ASH2L: variants seen among roughly 807,000 people sequenced by gnomAD.
ASH2L encodes ASH2 like, histone lysine methyltransferase complex subunit, also known as set1/Ash2 histone methyltransferase complex subunit ASH2.
A neutral mutation model predicts 81.1 loss-of-function variants in ASH2L; 30 were observed. The ratio of observed to expected loss-of-function variants is 0.37; its 90% CI spans 0.28 to 0.50. ASH2L has a LOEUF of 0.50. Ranked by LOEUF, ASH2L falls within the 20% of genes least tolerant of loss-of-function variation. The pLI, the probability that ASH2L is intolerant of heterozygous loss-of-function variation, is 0.95. For synonymous variants in ASH2L, 273 were observed against 279.9 expected, an observed-to-expected ratio of 0.98 and a Z score of 0.24; for missense variants, 559 against 792.1, an observed-to-expected ratio of 0.71 and a Z score of 3.53.
intron 5 of ASH2L, 143 bp from the exon 6 acceptor site, chr8:38,114,049 A>G: frequency 1.8e-6 from 1 of 554,788 alleles, no homozygotes; most frequent in Non-Finnish European, 3.2e-6. Flanking sequence ...AAACATGTAA[A>G]CCTTGTATAA....
At chr8:38,118,249 T>G (rs1329287811) in intron 8 of ASH2L, among the ~76,000 whole-genome samples, 1 of 152,210 alleles carries the variant, frequency 6.6e-6, no homozygotes, top group Non-Finnish European at 1.5e-5. Context: ...TCTTGATCCT[T>G]TTTATTGCAG....
At chr8:38,134,837 C>T (rs149447891) in intron 13 of ASH2L, among the ~76,000 whole-genome samples, 14 of 152,158 alleles carry the variant, frequency 9.2e-5, no homozygotes, top group African/African-American at 3.4e-4. Flanking sequence ...GAGAAGGCAG[C>T]CTTTTCTGAA....
At chr8:38,128,543 G>A in intron 11 of ASH2L, 85 bp downstream of exon 11, 5 of 1,531,772 alleles carry the variant, frequency 3.3e-6, no homozygotes, top group Non-Finnish European at 4.4e-6. Flanking sequence ...AGGCTGTTGG[G>A]TTTACCAGAT....
Position 38,105,716 on chromosome 8 carries a change from A to G in ASH2L, c.166A>G (p.Ser56Gly). ...GISAAPTVEP[S>G]SGEAEGGEAN... The stretch of plus-strand genomic sequence containing the variant: ...CTCTGCTGCTCCGACAGTTGAGCCC[A>G]GTTCCGGGGAGGCTGAAGGCGGGTA... Residue 56 changes from serine (S) to glycine (G), a missense_variant, in exon 1 of 16, where the codon AGT (serine) becomes GGT (glycine). By Grantham distance (56) the Ser-to-Gly change is moderately conservative. Around this residue, in one of 4 missense-constraint regions of ASH2L, gnomAD observed 145 missense variants for 115.5 expected, o/e 1.26. Coordinates refer to ENST00000343823, the MANE Select transcript of ASH2L (RefSeq NM_004674.5). 1.3e-6 allele frequency: 2 copies of G among 1,534,482 alleles called. No individual in the cohort carries two copies. The highest frequency in any genetic ancestry group is 1.7e-6 in the Non-Finnish European group (2 of 1,143,228).
intron 10 of ASH2L, chr8:38,124,513 A>C (rs560910711): frequency 1.3e-5 from 2 of 151,628 alleles, no homozygotes; most frequent in Non-Finnish European, 2.9e-5. Flanking sequence ...ATCTGGCCTC[A>C]TTGTTTATTT....
In ASH2L at chr8:38,135,751, G is replaced by A; in HGVS notation, c.1704G>A (p.Leu568=). Residue 568 remains leucine (L), a synonymous_variant, in exon 14 of 16, where the codon CTG becomes CTA. Coordinates refer to ENST00000343823, the MANE Select transcript of ASH2L (RefSeq NM_004674.5). ...GGGTTTACTTCCCAGCCATCTCACT[G>A]TACAAGAGCTGCACGGTACGTACAT... ...FEGVYFPAIS[L]YKSCTVSINF... is the part of the protein sequence containing the mutation. 1 of 1,612,462 alleles carries A rather than the reference G, an allele frequency of 6.2e-7. No homozygotes were observed. Among genetic ancestry groups the A allele is most frequent in the Non-Finnish European group, 8.5e-7 (1 of 1,179,086 alleles).
chr8:38,121,244 G>C lies in ASH2L; in HGVS notation c.1165+95G>C. 3 of 1,088,696 alleles carry C rather than the reference G, an allele frequency of 2.8e-6. No homozygotes were observed. The South Asian group carries it at 4.1e-5, about 15-fold the overall frequency. The allele number at this position is 1,088,696 out of a possible 1,614,324, so 67.4% of individuals were successfully genotyped here. A position where few individuals can be genotyped will look rare whatever the true frequency, so the allele number is the denominator to read the frequency against. Reference sequence around the variant, plus strand: ...TAGAATTAGGTGTACATCTCAGTCTGTTGCCACTGCCTCACCCCCATCTCT... The same window carrying C: ...TAGAATTAGGTGTACATCTCAGTCTCTTGCCACTGCCTCACCCCCATCTCT... On this transcript the variant is annotated intron_variant, in intron 10 of 15. Coordinates refer to ENST00000343823, the MANE Select transcript of ASH2L (RefSeq NM_004674.5).
chr8:38,118,637 T>C (rs570422666), intron 8 of ASH2L, among the ~76,000 whole-genome samples: 1 of 152,366 alleles, frequency 6.6e-6, no homozygotes, highest in South Asian at 2.1e-4. Context: ...TCGAAAGCCT[T>C]CTTTCTTATT....
intron 10 of ASH2L, among the ~76,000 whole-genome samples, chr8:38,127,976 G>A (rs1364397227): frequency 6.6e-6 from 1 of 151,898 alleles, no homozygotes; most frequent in African/African-American, 2.4e-5. Flanking sequence ...AACCCGGGAG[G>A]TGGAGGTTGC....
At chr8:38,115,615 A>C (rs1810861839) in intron 7 of ASH2L, among the ~76,000 whole-genome samples, 1 of 152,088 alleles carries the variant, frequency 6.6e-6, no homozygotes, top group South Asian at 2.1e-4. Flanking sequence ...CAGCCTGGAC[A>C]ATACAACAAG....
Position 38,109,254 on chromosome 8 carries a change from T to G in ASH2L, c.402-1125T>G, listed in dbSNP as rs543051370. Reference sequence around the variant, plus strand: ...TAGTATGAGGTTTTGTCTTTGTAAATAAGCTTATCACAATAGTCTGTTAAA... The same window carrying G: ...TAGTATGAGGTTTTGTCTTTGTAAAGAAGCTTATCACAATAGTCTGTTAAA... On this transcript the variant is annotated intron_variant, in intron 3 of 15. Coordinates refer to ENST00000343823, the MANE Select transcript of ASH2L (RefSeq NM_004674.5). Among the ~76,000 whole-genome samples, 11 of 152,324 alleles carry G rather than the reference T, an allele frequency of 7.2e-5. No individual in the cohort carries two copies. The South Asian group carries it at 2.3e-3, about 32-fold the overall frequency.
chr8:38,105,748 C>T lies in ASH2L; in HGVS notation c.188+10C>T, dbSNP rs1431563917. 1 of 1,508,118 alleles carries T rather than the reference C, an allele frequency of 6.6e-7. No homozygotes were observed. Among genetic ancestry groups the T allele is most frequent in the Admixed American group, 2.3e-5 (1 of 42,922 alleles). 93.4% of individuals were successfully genotyped at this position (1,508,118 alleles called of 1,614,324 possible). On this transcript the variant is annotated intron_variant, in intron 1 of 15. Transcript: ENST00000343823. ...GGGAGGCTGAAGGCGGGTAAGAGGT[C>T]CTGCCGCCCGAGGAAGACGCGGGAG... is the stretch of plus-strand genomic sequence containing the variant.
rs149680046 is a variant in ASH2L, at chr8:38,110,789, C to T, written c.541C>T (p.Arg181Ter). The T allele has an allele frequency of 1.2e-6, 2 of 1,613,870 alleles. No homozygotes were observed. The highest frequency in any genetic ancestry group is 1.7e-6 in the Non-Finnish European group (2 of 1,179,950). Residue 181 changes from arginine to a stop codon, truncating the protein, a stop_gained, in exon 5 of 16, where the codon CGA becomes TGA. Coordinates refer to ENST00000343823, the MANE Select transcript of ASH2L (RefSeq NM_004674.5). LOFTEE classifies it high-confidence loss of function. ...TTTGGCCAACCTGACATGGCAGTCC[C>T]GAACACAGGATGAACATCCGAAGAC... ...SALANLTWQS[R>*]TQDEHPKTMF...
chr8:38,115,434 G>A lies in ASH2L; in HGVS notation c.777+434G>A, dbSNP rs529637132. 3.9e-5 allele frequency among the ~76,000 whole-genome samples: 6 copies of A among 152,296 alleles called. No individual in the cohort carries two copies. The East Asian group carries it at 1.2e-3, about 29-fold the overall frequency. On this transcript the variant is annotated intron_variant, in intron 7 of 15. Coordinates refer to ENST00000343823, the MANE Select transcript of ASH2L (RefSeq NM_004674.5). Reference sequence around the variant, plus strand: ...AATTGCTGTTTTTTGTTCAACAGCAGGGTTCACATTTGGCAAGTCAGAATG... The same window carrying A: ...AATTGCTGTTTTTTGTTCAACAGCAAGGTTCACATTTGGCAAGTCAGAATG...
rs533033225 is a variant in ASH2L at position 38,107,113 on chromosome 8, A to G, written c.348A>G (p.Gln116=). The stretch of plus-strand genomic sequence containing the variant: ...GACAGTTGGGTGAGGTAGAGCTGCA[A>G]TGTGGGATTTGTACAAAATGGTTCA... ...NGRQLGEVEL[Q]CGICTKWFTA... The change falls in exon 3 of 16, where the codon CAA becomes CAG. Residue 116 remains glutamine, a synonymous_variant. Coordinates refer to ENST00000343823, the MANE Select transcript of ASH2L (RefSeq NM_004674.5). The G allele has an allele frequency of 3.7e-6, 6 of 1,614,172 alleles. No individual in the cohort carries two copies. Among genetic ancestry groups the G allele is most frequent in the Middle Eastern group, 3.3e-4 (2 of 6,062 alleles).
intron 14 of ASH2L, 86 bp downstream of exon 14, chr8:38,135,852 G>A (rs550738135): frequency 1.7e-5 from 17 of 1,025,420 alleles, no homozygotes; most frequent in South Asian, 4.6e-5. Context: ...GTGCTGGAAC[G>A]AAATCCAAGC....
chr8:38,125,407 G>A, intron 10 of ASH2L, among the ~76,000 whole-genome samples: 1 of 151,982 alleles, frequency 6.6e-6, no homozygotes, highest in East Asian at 1.9e-4. Context: ...GATCACCTGA[G>A]GTCGAGAGTT....
At chr8:38,108,125 T>C (rs183658524) in intron 3 of ASH2L, among the ~76,000 whole-genome samples, 1 of 152,234 alleles carries the variant, frequency 6.6e-6, no homozygotes, top group African/African-American at 2.4e-5. Flanking sequence ...TTGTATACTT[T>C]CTAGTTAAAA....
At position 38,110,731 on chromosome 8, in the gene ASH2L, T is replaced by A. The variant is rs766677132; in HGVS notation, c.491-8T>A. ...AGATAACTGTTTCTTCCTTTTTGTTTTTGATAGACTTGAAGGAAATGTGCC... is the reference window on the plus strand; with the variant it reads ...AGATAACTGTTTCTTCCTTTTTGTTATTGATAGACTTGAAGGAAATGTGCC... On this transcript the variant is annotated splice_region_variant and splice_polypyrimidine_tract_variant and intron_variant, in intron 4 of 15. Coordinates refer to ENST00000343823, the MANE Select transcript of ASH2L (RefSeq NM_004674.5). 6.2e-7 allele frequency: 1 copy of A among 1,611,272 alleles called. No individual in the cohort carries two copies. Among genetic ancestry groups the A allele is most frequent in the South Asian group, 1.1e-5 (1 of 90,552 alleles).
Sources: gnomAD v4.1 joint callset for allele counts (sites outside exome capture counted in the v4.1 genomes callset) on GRCh38, gnomAD v4.1.1 for gene constraint, gnomAD v4.1.1 regional missense constraint, MANE v1.5 for transcripts, NCBI Gene and HGNC (gene_info 2026-07-23, HGNC 2026-07-21) for gene names.